The following PCDH9 variants were observed in gnomAD, a reference collection of about 807,000 sequenced individuals.
PCDH9 encodes protocadherin-9.
In PCDH9, 24 loss-of-function variants were observed where a neutral mutation model predicts 70.6. That is an observed-to-expected ratio of 0.34 (90% CI 0.25 to 0.48). The LOEUF (loss-of-function observed/expected upper bound fraction) is 0.48, where lower values mean the gene tolerates loss of function less well. Ranked by LOEUF, PCDH9 falls within the 20% of genes least tolerant of loss-of-function variation. The pLI is 0.99. For synonymous variants in PCDH9, 562 were observed against 558.5 expected, an observed-to-expected ratio of 1.01 and a Z score of -0.09; for missense variants, 1,281 against 1,503.6, an observed-to-expected ratio of 0.85 and a Z score of 2.45.
chr13:66,341,124 T>C (rs1201000673), intron 4 of PCDH9, among the ~76,000 whole-genome samples: 1 of 152,100 alleles, frequency 6.6e-6, no homozygotes, highest in Non-Finnish European at 1.5e-5. Flanking sequence ...TTTTTTATTT[T>C]ATTTATTTAC....
chr13:67,069,061 T>C (rs2085707738), intron 2 of PCDH9, among the ~76,000 whole-genome samples: 1 of 152,214 alleles, frequency 6.6e-6, no homozygotes, highest in Non-Finnish European at 1.5e-5. Context: ...GGAATGCTTT[T>C]ATAGTAACAT....
intron 3 of PCDH9, among the ~76,000 whole-genome samples, chr13:66,757,147 T>C (rs1021039594): frequency 6.6e-6 from 1 of 152,126 alleles, no homozygotes; most frequent in Admixed American, 6.6e-5. Context: ...CCTCATGTGG[T>C]TGATTTCTGA....
chr13:66,688,075 C>T (rs771357177), intron 3 of PCDH9, among the ~76,000 whole-genome samples: 9 of 152,058 alleles, frequency 5.9e-5, no homozygotes, highest in Non-Finnish European at 1.3e-4. Flanking sequence ...CTTGCTTATG[C>T]GGGCTTTTCT....
chr13:66,585,713 C>A (rs1164017626), intron 4 of PCDH9, among the ~76,000 whole-genome samples: 1 of 152,122 alleles, frequency 6.6e-6, no homozygotes, highest in East Asian at 1.9e-4. Flanking sequence ...CAGAGAACCT[C>A]AGGAGTGGCC....
intron 4 of PCDH9, among the ~76,000 whole-genome samples, chr13:66,448,334 CA>C (rs2138420910): frequency 6.6e-6 from 1 of 152,302 alleles, no homozygotes; most frequent in East Asian, 1.9e-4. Context: ...GTGTGAAGTG[CA>C]CGTGGATGTG....
chr13:66,495,624 C>T (rs1959104414), intron 4 of PCDH9, among the ~76,000 whole-genome samples: 1 of 151,740 alleles, frequency 6.6e-6, no homozygotes, highest in Non-Finnish European at 1.5e-5. Flanking sequence ...AGTCTAAAAC[C>T]TTACTTCTTC....
At chr13:66,866,157 C>A (rs2081569969) in intron 3 of PCDH9, among the ~76,000 whole-genome samples, 1 of 152,140 alleles carries the variant, frequency 6.6e-6, no homozygotes. Flanking sequence ...ATCACTCTGT[C>A]TGGGCAATAA....
chr13:66,434,107 G>A (rs960947412), intron 4 of PCDH9, among the ~76,000 whole-genome samples: 1 of 151,772 alleles, frequency 6.6e-6, no homozygotes, highest in African/African-American at 2.4e-5. Flanking sequence ...ACAATGTAAG[G>A]TTATCAAGAC....
intron 2 of PCDH9, among the ~76,000 whole-genome samples, chr13:66,941,861 C>G (rs190113271): frequency 2.3e-3 from 347 of 151,908 alleles, no homozygotes; most frequent in Non-Finnish European, 2.9e-3. Flanking sequence ...CCAAAAATAG[C>G]AGAATGTATA....
intron 4 of PCDH9, among the ~76,000 whole-genome samples, chr13:66,436,451 A>G (rs1346591364): frequency 6.6e-6 from 1 of 152,196 alleles, no homozygotes; most frequent in Non-Finnish European, 1.5e-5. Flanking sequence ...AGAAGCACCA[A>G]ATGGACGGAT....
At chr13:66,463,191 A>G (rs911008033) in intron 4 of PCDH9, among the ~76,000 whole-genome samples, 4 of 151,834 alleles carry the variant, frequency 2.6e-5, no homozygotes, top group Non-Finnish European at 5.9e-5. Flanking sequence ...CTCCCTATGA[A>G]GATGATATCT....
chr13:66,491,760 C>G (rs1168542610), intron 4 of PCDH9, among the ~76,000 whole-genome samples: 1 of 152,026 alleles, frequency 6.6e-6, no homozygotes, highest in Non-Finnish European at 1.5e-5. Context: ...GTTTTTAATG[C>G]AGGTTTTTAT....
At chr13:66,768,136 G>A (rs942138099) in intron 3 of PCDH9, among the ~76,000 whole-genome samples, 2 of 152,072 alleles carry the variant, frequency 1.3e-5, no homozygotes, top group Non-Finnish European at 2.9e-5. Flanking sequence ...GTATCTGTAT[G>A]TGGTTTTTGT....
intron 4 of PCDH9, among the ~76,000 whole-genome samples, chr13:66,600,797 TAA>T (rs2077157161): frequency 2.3e-5 from 3 of 131,398 alleles, no homozygotes; most frequent in African/African-American, 8.1e-5. Context: ...TGTGTGTGTG[TAA>T]GGGAGTTAAT....
chr13:66,872,333 T>C (rs1329170904), intron 3 of PCDH9, among the ~76,000 whole-genome samples: 1 of 152,176 alleles, frequency 6.6e-6, no homozygotes, highest in Non-Finnish European at 1.5e-5. Flanking sequence ...TTCTACTTTT[T>C]TTCCATCCAG....
At chr13:67,067,651 A>T (rs2085675775) in intron 2 of PCDH9, among the ~76,000 whole-genome samples, 1 of 151,792 alleles carries the variant, frequency 6.6e-6, no homozygotes, top group South Asian at 2.1e-4. Context: ...ATAAAACAAA[A>T]CAACAATAAA....
At chr13:66,793,513 A>G (rs1021528217) in intron 3 of PCDH9, among the ~76,000 whole-genome samples, 11 of 152,160 alleles carry the variant, frequency 7.2e-5, no homozygotes, top group Non-Finnish European at 1.5e-4. Context: ...TACCACTTCA[A>G]TGAAATGTAT....
intron 3 of PCDH9, among the ~76,000 whole-genome samples, chr13:66,850,194 T>A (rs1313999696): frequency 6.6e-6 from 1 of 152,184 alleles, no homozygotes; most frequent in Non-Finnish European, 1.5e-5. Context: ...AGAAACATAT[T>A]ATTTTGATGG....
At chr13:66,407,282 C>T (rs1957295776) in intron 4 of PCDH9, among the ~76,000 whole-genome samples, 1 of 152,232 alleles carries the variant, frequency 6.6e-6, no homozygotes, top group Non-Finnish European at 1.5e-5. Context: ...CAGGAAGAGG[C>T]TTAGGAATGC....
Sources: gnomAD v4.1 joint callset for allele counts (sites outside exome capture counted in the v4.1 genomes callset) on GRCh38, gnomAD v4.1.1 for gene constraint, MANE v1.5 for transcripts, NCBI Gene and HGNC (gene_info 2026-07-23, HGNC 2026-07-21) for gene names.